COL14A1: variants seen among roughly 807,000 people sequenced by gnomAD.
COL14A1 encodes collagen type XIV alpha 1 chain, also known as collagen alpha-1(XIV) chain.
In COL14A1, 136 loss-of-function variants were observed where a neutral mutation model predicts 230.3. That is an observed-to-expected ratio of 0.59 (90% confidence interval 0.51 to 0.68). The LOEUF (loss-of-function observed/expected upper bound fraction) is 0.68. Among genes scored for constraint, COL14A1 ranks in the 30% least tolerant of loss-of-function variants. The pLI, the probability that COL14A1 is intolerant of heterozygous loss-of-function variation, is 0.00. For synonymous variants in COL14A1, 792 were observed against 784.1 expected, an observed-to-expected ratio of 1.01 and a Z score of -0.17; for missense variants, 1,976 against 2,215.8, an observed-to-expected ratio of 0.89 and a Z score of 2.17.
intron 45 of COL14A1, among the ~76,000 whole-genome samples, chr8:120,347,962 G>A (rs1822580460): frequency 1.3e-5 from 2 of 152,058 alleles, no homozygotes; most frequent in Non-Finnish European, 2.9e-5. Context: ...ACTGAAATGA[G>A]GCTCACTTTC....
intron 8 of COL14A1, among the ~76,000 whole-genome samples, chr8:120,201,916 A>C (rs1026451032): frequency 5.6e-5 from 8 of 142,502 alleles, no homozygotes; most frequent in Non-Finnish European, 4.6e-5. Context: ...GGGAGAAGCA[A>C]AATTGGGCCT....
intron 45 of COL14A1, among the ~76,000 whole-genome samples, chr8:120,355,386 A>G (rs1001769313): frequency 1.3e-5 from 2 of 151,826 alleles, no homozygotes; most frequent in African/African-American, 4.8e-5. Flanking sequence ...AGAATTAGAA[A>G]ATTCCCCTAA....
At chr8:120,130,610 G>T (rs1814497153) in intron 1 of COL14A1, among the ~76,000 whole-genome samples, 1 of 152,060 alleles carries the variant, frequency 6.6e-6, no homozygotes, top group South Asian at 2.1e-4. Flanking sequence ...TACAAGGAAA[G>T]AAATGTAAAA....
In COL14A1 at chr8:120,247,665, G is replaced by T; in HGVS notation, c.2532G>T (p.Arg844=). 8.1e-6 allele frequency: 13 copies of T among 1,614,152 alleles called. No individual in the cohort carries two copies. Among genetic ancestry groups the T allele is most frequent in the Non-Finnish European group, 1.1e-5 (13 of 1,180,038 alleles). ...GGGTGTCCGAGGAATGGTATAACCG[G>T]TTGCGCATTACGTGGGACCCCCCAT... ...NLRVSEEWYN[R]LRITWDPPSS... Residue 844 remains arginine, a synonymous_variant, in exon 21 of 48, where the codon CGG becomes CGT. Coordinates refer to ENST00000297848, the MANE Select transcript of COL14A1 (RefSeq NM_021110.4).
intron 3 of COL14A1, among the ~76,000 whole-genome samples, chr8:120,160,719 G>A (rs1228203735): frequency 6.6e-6 from 1 of 152,154 alleles, no homozygotes; most frequent in Admixed American, 6.6e-5. Flanking sequence ...GCTGCAAAAT[G>A]TTTATAGCTG....
At chr8:120,328,058 C>G (rs1427218879) in intron 40 of COL14A1, among the ~76,000 whole-genome samples, 1 of 152,140 alleles carries the variant, frequency 6.6e-6, no homozygotes, top group Non-Finnish European at 1.5e-5. Flanking sequence ...GCCACTGCAC[C>G]TGGCCATGTG....
At chr8:120,210,084 C>T (rs967563787) in intron 12 of COL14A1, among the ~76,000 whole-genome samples, 183 bp downstream of exon 12, 9 of 151,902 alleles carry the variant, frequency 5.9e-5, no homozygotes, top group African/African-American at 1.7e-4. Context: ...CAGTCTTTGT[C>T]GATGCATTTT....
chr8:120,268,373 A>T (rs1200371553), intron 25 of COL14A1, among the ~76,000 whole-genome samples: 1 of 151,700 alleles, frequency 6.6e-6, no homozygotes, highest in African/African-American at 2.4e-5. Flanking sequence ...GGCACTTCTG[A>T]TGCAGATATT....
intron 19 of COL14A1, among the ~76,000 whole-genome samples, chr8:120,240,679 G>A (rs1237119535): frequency 1.3e-5 from 2 of 152,160 alleles, no homozygotes; most frequent in Admixed American, 6.5e-5. Flanking sequence ...GGACAATAGT[G>A]TATGTATATG....
In COL14A1 at chr8:120,278,461, AC is replaced by A. The variant is rs1819924276; in HGVS notation, c.3366del (p.Leu1123CysfsTer19). 1 of 1,612,822 alleles carries A rather than the reference AC, an allele frequency of 6.2e-7. No homozygotes were observed. Among genetic ancestry groups the A allele is most frequent in the African/African-American group, 1.3e-5 (1 of 74,848 alleles). ...TGKAIKYVRD[T>X]LFTAESGTRR... ...AAAAGCAATTAAGTATGTTCGAGAT[AC>A]CTTGTTCACTGCAGAGTCAGGTACA... is the stretch of plus-strand genomic sequence containing the variant. On this transcript the variant is annotated frameshift_variant, in exon 28 of 48. Coordinates refer to ENST00000297848, the MANE Select transcript of COL14A1 (RefSeq NM_021110.4). LOFTEE classifies it high-confidence loss of function.
chr8:120,181,537 G>A (rs1389152137), intron 5 of COL14A1, among the ~76,000 whole-genome samples: 3 of 152,090 alleles, frequency 2.0e-5, no homozygotes, highest in Admixed American at 1.3e-4. Flanking sequence ...TATCTGTTAA[G>A]TATAAGTATA....
At chr8:120,140,863 C>T (rs1211260655) in intron 1 of COL14A1, among the ~76,000 whole-genome samples, 2 of 151,996 alleles carry the variant, frequency 1.3e-5, no homozygotes, top group African/African-American at 4.8e-5. Context: ...ACTAATGGGC[C>T]TAGTTTTATG....
At chr8:120,220,425 C>T (rs1051527775) in intron 14 of COL14A1, among the ~76,000 whole-genome samples, 1 of 152,024 alleles carries the variant, frequency 6.6e-6, no homozygotes, top group Non-Finnish European at 1.5e-5. Context: ...AGGCACGCAC[C>T]ACCACGCCCA....
intron 13 of COL14A1, among the ~76,000 whole-genome samples, chr8:120,213,308 C>T (rs941827067): frequency 7.2e-5 from 11 of 152,056 alleles, no homozygotes; most frequent in Admixed American, 2.6e-4. Context: ...TGGCTCTATT[C>T]GTGATCTTTT....
chr8:120,173,585 A>G (rs571585176), intron 5 of COL14A1, among the ~76,000 whole-genome samples: 1 of 151,308 alleles, frequency 6.6e-6, no homozygotes, highest in African/African-American at 2.4e-5. Flanking sequence ...CTATCTATCT[A>G]TCATTTATCA....
chr8:120,153,088 T>A (rs917762059), intron 2 of COL14A1, among the ~76,000 whole-genome samples: 28 of 152,046 alleles, frequency 1.8e-4, no homozygotes, highest in Admixed American at 6.5e-5. Flanking sequence ...CTGTAGCATA[T>A]CCTACAGTAA....
chr8:120,151,639 CAAAAA>C (rs59123417), intron 2 of COL14A1, among the ~76,000 whole-genome samples: 14 of 78,604 alleles, frequency 1.8e-4, no homozygotes, highest in Non-Finnish European at 3.0e-4. Flanking sequence ...GACTCCGTCT[CAAAAA>C]AAAAAAAAAA....
intron 37 of COL14A1, among the ~76,000 whole-genome samples, chr8:120,311,125 C>A (rs766033263): frequency 5.9e-5 from 9 of 152,116 alleles, no homozygotes; most frequent in Admixed American, 2.0e-4. Flanking sequence ...TCAGGTACTA[C>A]CCAATCCAAA....
At chr8:120,233,874 T>C (rs1187593785) in intron 19 of COL14A1, among the ~76,000 whole-genome samples, 1 of 152,230 alleles carries the variant, frequency 6.6e-6, no homozygotes, top group Non-Finnish European at 1.5e-5. Flanking sequence ...GGTAGCTTGA[T>C]GGGAATAACA....
Sources: allele counts gnomAD v4.1 joint callset (sites outside exome capture counted in the v4.1 genomes callset), GRCh38; gene constraint gnomAD v4.1.1; transcripts MANE v1.5; gene names NCBI Gene and HGNC (gene_info 2026-07-23, HGNC 2026-07-21).